The following G2E3 variants were observed in gnomAD, a reference collection of about 807,000 sequenced individuals.
G2E3 encodes G2/M-phase specific E3 ubiquitin protein ligase.
G2E3 carries 35 observed loss-of-function variants against 92.8 expected under a neutral mutation model. That is an observed-to-expected ratio of 0.38 (90% confidence interval 0.29 to 0.50). G2E3 has a LOEUF of 0.50. Among genes scored for constraint, G2E3 ranks in the 20% least tolerant of loss-of-function variants. G2E3 has a pLI of 0.94. For synonymous variants in G2E3, 242 were observed against 272.4 expected (o/e 0.89, Z 1.10); for missense variants, 554 against 823.8 (o/e 0.67, Z 4.01).
intron 1 of G2E3, among the ~76,000 whole-genome samples, chr14:30,569,727 G>A (rs1879646049): frequency 6.6e-6 from 1 of 152,056 alleles, no homozygotes; most frequent in Non-Finnish European, 1.5e-5. Flanking sequence ...GTCAGGGTTA[G>A]GACCAGCTGG....
chr14:30,612,103 T>TA (rs1166675557), intron 12 of G2E3, 104 bp from the exon 13 acceptor site: 116 of 765,028 alleles, frequency 1.5e-4, no homozygotes, highest in Non-Finnish European at 1.6e-4. Flanking sequence ...ACTGCACCCA[T>TA]ATGTACTAAG....
intron 1 of G2E3, among the ~76,000 whole-genome samples, chr14:30,563,182 G>A (rs1231506360): frequency 1.3e-5 from 2 of 150,860 alleles, no homozygotes; most frequent in African/African-American, 4.9e-5. Flanking sequence ...TTAATTATGA[G>A]TGGTATGTTA....
At chr14:30,594,554 A>T (rs908167734) in intron 6 of G2E3, among the ~76,000 whole-genome samples, 1 of 151,902 alleles carries the variant, frequency 6.6e-6, no homozygotes, top group South Asian at 2.1e-4. Flanking sequence ...TTAGCCGGGC[A>T]TGGTGGCGGG....
Position 30,617,489 on chromosome 14 carries a change from G to C in G2E3, c.*955G>C, listed in dbSNP as rs1402666716. On this transcript the variant is annotated 3_prime_UTR_variant, in exon 15 of 15. Coordinates refer to ENST00000206595, the MANE Select transcript of G2E3 (RefSeq NM_017769.5). ...TTTAGATATTTGAATGATCTCTGTG[G>C]ATTGGTAGGTTTGGCCATTTGACCA... 1 of 152,030 alleles carries C rather than the reference G, an allele frequency of 6.6e-6. No homozygotes were observed. The highest frequency in any genetic ancestry group is 1.5e-5 in the Non-Finnish European group (1 of 67,958). 9.4% of individuals were successfully genotyped at this position (152,030 alleles called of 1,614,324 possible).
intron 1 of G2E3, among the ~76,000 whole-genome samples, chr14:30,574,803 A>G (rs955381401): frequency 6.6e-6 from 1 of 151,864 alleles, no homozygotes; most frequent in East Asian, 1.9e-4. Flanking sequence ...TTTGTACCCT[A>G]TTTTCTTTAT....
chr14:30,572,369 T>C (rs1879818444), intron 1 of G2E3, among the ~76,000 whole-genome samples: 1 of 152,178 alleles, frequency 6.6e-6, no homozygotes, highest in Admixed American at 6.5e-5. Context: ...CTTCGCTAGG[T>C]TGAAAAAATT....
chr14:30,588,637 C>T (rs767925431), intron 3 of G2E3, among the ~76,000 whole-genome samples: 16 of 151,992 alleles, frequency 1.1e-4, no homozygotes, highest in Non-Finnish European at 2.1e-4. Context: ...AATGCTAGAG[C>T]GGAAAGAGAC....
intron 12 of G2E3, 60 bp downstream of exon 12, chr14:30,608,129 ATGAC>A: frequency 2.2e-6 from 2 of 919,942 alleles, no homozygotes; most frequent in Non-Finnish European, 3.2e-6. Flanking sequence ...TTTAATGTAA[ATGAC>A]TGATCTGCAA....
At chr14:30,562,828 T>C (rs1302172176) in intron 1 of G2E3, among the ~76,000 whole-genome samples, 1 of 152,216 alleles carries the variant, frequency 6.6e-6, no homozygotes, top group East Asian at 1.9e-4. Context: ...GTCTTTGATA[T>C]GCAGAAATAA....
intron 1 of G2E3, among the ~76,000 whole-genome samples, chr14:30,575,078 C>T (rs1011795525): frequency 2.0e-5 from 3 of 152,162 alleles, no homozygotes; most frequent in African/African-American, 7.2e-5. Context: ...ACAACCTTAC[C>T]CGCATCTGTT....
intron 1 of G2E3, among the ~76,000 whole-genome samples, chr14:30,578,816 T>C (rs944039174): frequency 3.0e-4 from 45 of 152,218 alleles, no homozygotes; most frequent in African/African-American, 1.0e-3. Context: ...CTTCCTATTA[T>C]ATTTTATCAA....
chr14:30,615,542 A>G lies in G2E3; in HGVS notation c.1864+3A>G, dbSNP rs749865718. On this transcript the variant is annotated splice_donor_region_variant and intron_variant, in intron 14 of 14. Transcript: ENST00000206595. ...CAGTTACTTACAGGCTGTTGAAGGT[A>G]TGTGGATATTTTATTTTACTTTTAA... 6.6e-7 allele frequency: 1 copy of G among 1,521,290 alleles called. No individual in the cohort carries two copies. The highest frequency in any genetic ancestry group is 8.9e-7 in the Non-Finnish European group (1 of 1,126,992). 94.2% of individuals were successfully genotyped at this position (1,521,290 alleles called of 1,614,324 possible). A position where few individuals can be genotyped will look rare whatever the true frequency, so the allele number is the denominator to read the frequency against.
chr14:30,618,783 G>A lies in G2E3; in HGVS notation c.*2249G>A, dbSNP rs1882433256. 6.6e-6 allele frequency: 1 copy of A among 151,998 alleles called. No individual in the cohort carries two copies. Among genetic ancestry groups the A allele is most frequent in the African/African-American group, 2.4e-5 (1 of 41,414 alleles). The allele number at this position is 151,998 out of a possible 1,614,324, so 9.4% of individuals were successfully genotyped here. A position where few individuals can be genotyped will look rare whatever the true frequency, so the allele number is the denominator to read the frequency against. On this transcript the variant is annotated 3_prime_UTR_variant, in exon 15 of 15. Coordinates refer to ENST00000206595, the MANE Select transcript of G2E3 (RefSeq NM_017769.5). ...GAAACCTGTAGGTTATTTATTTTCT[G>A]CAGTGTCATTTTGTCAAATGGTTGG...
At chr14:30,597,547 T>C in intron 7 of G2E3, 21 bp downstream of exon 7, 1 of 1,150,128 alleles carries the variant, frequency 8.7e-7, no homozygotes, top group East Asian at 2.3e-5. Flanking sequence ...TTTAGCCTTA[T>C]GATAAAAAAA....
intron 2 of G2E3, among the ~76,000 whole-genome samples, chr14:30,586,404 AAATT>A (rs1477860551): frequency 6.6e-6 from 1 of 152,222 alleles, no homozygotes. Context: ...CAGCTTCTAA[AAATT>A]AATTCTAACA....
rs182316616 is a variant in G2E3, at chr14:30,581,689, G to A, written c.37+573G>A. 3.3e-5 allele frequency among the ~76,000 whole-genome samples: 5 copies of A among 152,160 alleles called. No individual in the cohort carries two copies. The East Asian group carries it at 9.6e-4, about 29-fold the overall frequency. ...TACACTTCAGCCTAAGTGACAGAGC[G>A]AGACCCTGTATCAAAAAAAAGAAGA... is the stretch of plus-strand genomic sequence containing the variant. On this transcript the variant is annotated intron_variant, in intron 2 of 14. Coordinates refer to ENST00000206595, the MANE Select transcript of G2E3 (RefSeq NM_017769.5).
intron 1 of G2E3, among the ~76,000 whole-genome samples, chr14:30,561,199 A>G (rs1217194298): frequency 1.3e-5 from 2 of 152,238 alleles, no homozygotes; most frequent in Non-Finnish European, 1.5e-5. Flanking sequence ...AATCTTTACA[A>G]TATCGCTGAG....
At chr14:30,581,759 A>T (rs962403166) in intron 2 of G2E3, among the ~76,000 whole-genome samples, 26 of 152,256 alleles carry the variant, frequency 1.7e-4, no homozygotes, top group African/African-American at 6.0e-4. Flanking sequence ...ACGTGCTCAC[A>T]ACAATCTTCC....
In G2E3 at chr14:30,617,663, CCACT is replaced by C. The variant is rs900837714; in HGVS notation, c.*1132_*1135del. On this transcript the variant is annotated 3_prime_UTR_variant, in exon 15 of 15. Transcript: ENST00000206595. ...GAATGAAAAACCCATTCTAATGTCA[CCACT>C]CAGAGATAAGTACCGTATTTCTGTG... The C allele has an allele frequency of 1.3e-5, 2 of 152,024 alleles. No individual in the cohort carries two copies. The highest frequency in any genetic ancestry group is 6.6e-5 in the Admixed American group (1 of 15,264). 9.4% of individuals were successfully genotyped at this position (152,024 alleles called of 1,614,324 possible).
Sources: gnomAD v4.1 joint callset for allele counts (sites outside exome capture counted in the v4.1 genomes callset) on GRCh38, gnomAD v4.1.1 for gene constraint, MANE v1.5 for transcripts, NCBI Gene and HGNC (gene_info 2026-07-23, HGNC 2026-07-21) for gene names.